ARHGAP10: variants seen among roughly 807,000 people sequenced by gnomAD.
ARHGAP10 encodes Rho GTPase activating protein 10.
A neutral mutation model predicts 108.6 loss-of-function variants in ARHGAP10; 87 were observed. That is an observed-to-expected ratio of 0.80 (90% CI 0.67 to 0.96). The LOEUF is 0.96. ARHGAP10 is among the 40% of genes least tolerant of loss of function. The pLI is 0.00. For missense variants in ARHGAP10, 939 were observed against 954.5 expected (o/e 0.98, Z 0.21); for synonymous variants, 347 against 341.1 (o/e 1.02, Z -0.19).
chr4:147,949,702 C>A (rs1459051679), intron 15 of ARHGAP10, among the ~76,000 whole-genome samples: 1 of 152,178 alleles, frequency 6.6e-6, no homozygotes, highest in Admixed American at 6.5e-5. Context: ...GACGTACTGC[C>A]ACTCTAGGAG....
chr4:147,831,140 T>C (rs2126797064), intron 3 of ARHGAP10, among the ~76,000 whole-genome samples: 1 of 152,314 alleles, frequency 6.6e-6, no homozygotes, highest in Middle Eastern at 3.4e-3. Context: ...GCTACTGGCT[T>C]AGGGTGCTAG....
At chr4:147,845,530 T>C (rs1393295675) in intron 3 of ARHGAP10, among the ~76,000 whole-genome samples, 1 of 152,196 alleles carries the variant, frequency 6.6e-6, no homozygotes, top group East Asian at 1.9e-4. Context: ...CCATGTTGCA[T>C]GGTGGTTATG....
chr4:147,788,319 C>T (rs960069504), intron 1 of ARHGAP10, among the ~76,000 whole-genome samples: 11 of 151,946 alleles, frequency 7.2e-5, no homozygotes, highest in African/African-American at 2.4e-4. Context: ...TGGTGGCATG[C>T]GCCTGTAATC....
chr4:147,755,579 G>T (rs907795948), intron 1 of ARHGAP10, among the ~76,000 whole-genome samples: 2 of 152,094 alleles, frequency 1.3e-5, no homozygotes, highest in Non-Finnish European at 2.9e-5. Context: ...AGAAAGAGAG[G>T]GCTGTTTTGG....
intron 18 of ARHGAP10, among the ~76,000 whole-genome samples, chr4:147,986,199 G>A (rs781454849): frequency 1.3e-5 from 2 of 152,082 alleles, no homozygotes; most frequent in Non-Finnish European, 2.9e-5. Flanking sequence ...TAAGAAAAAC[G>A]GAACTACCTC....
intron 1 of ARHGAP10, among the ~76,000 whole-genome samples, chr4:147,798,725 CTCTCTCTCTCTCTCTCT>C: frequency 8.6e-5 from 1 of 11,684 alleles, no homozygotes; most frequent in East Asian, 3.4e-3. Context: ...GTTTGAGACA[CTCTCTCTCTCTCTCTCT>C]CTCTCTCTCT....
chr4:147,803,349 T>C (rs1368829471), intron 1 of ARHGAP10, among the ~76,000 whole-genome samples: 1 of 152,228 alleles, frequency 6.6e-6, no homozygotes, highest in African/African-American at 2.4e-5. Flanking sequence ...ACTGTACATG[T>C]TTATGGGATA....
intron 13 of ARHGAP10, among the ~76,000 whole-genome samples, chr4:147,919,500 G>T (rs954573956): frequency 3.3e-5 from 5 of 152,178 alleles, no homozygotes; most frequent in African/African-American, 1.2e-4. Context: ...TGAGCTAAAA[G>T]ACTTCCTAAA....
chr4:147,809,421 A>T (rs1731922576), intron 1 of ARHGAP10, among the ~76,000 whole-genome samples: 1 of 152,086 alleles, frequency 6.6e-6, no homozygotes, highest in Non-Finnish European at 1.5e-5. Flanking sequence ...TAATGGTTCC[A>T]CCAATCTTTG....
intron 1 of ARHGAP10, among the ~76,000 whole-genome samples, chr4:147,777,899 G>A (rs909817701): frequency 6.6e-6 from 1 of 152,098 alleles, no homozygotes; most frequent in Non-Finnish European, 1.5e-5. Context: ...TATAGATGGG[G>A]AGATAAAACT....
intron 16 of ARHGAP10, among the ~76,000 whole-genome samples, chr4:147,963,873 T>C (rs1739097514): frequency 6.6e-6 from 1 of 152,256 alleles, no homozygotes; most frequent in Non-Finnish European, 1.5e-5. Flanking sequence ...TCCGCTGTGC[T>C]GCCTGTACAC....
intron 19 of ARHGAP10, 81 bp from the exon 20 acceptor site, chr4:148,046,811 C>CG (rs2149680156): frequency 1.5e-6 from 2 of 1,349,594 alleles, no homozygotes. Flanking sequence ...ATTGACTAAT[C>CG]AAGTAACACC....
intron 4 of ARHGAP10, among the ~76,000 whole-genome samples, chr4:147,850,414 A>G (rs1267745195): frequency 2.0e-5 from 3 of 152,004 alleles, no homozygotes; most frequent in Non-Finnish European, 2.9e-5. Flanking sequence ...GGTCCACACT[A>G]CCTTTATGAG....
At chr4:147,787,276 A>T (rs748269115) in intron 1 of ARHGAP10, among the ~76,000 whole-genome samples, 28 of 152,164 alleles carry the variant, frequency 1.8e-4, no homozygotes, top group Non-Finnish European at 4.1e-4. Flanking sequence ...TTTGAGATGC[A>T]CTTGGCACAG....
chr4:148,024,096 AAGACTGGG>A (rs1458111713), intron 19 of ARHGAP10, among the ~76,000 whole-genome samples: 1 of 152,234 alleles, frequency 6.6e-6, no homozygotes, highest in Non-Finnish European at 1.5e-5. Flanking sequence ...CATACAAAAC[AAGACTGGG>A]AGCTGTGCAC....
rs550002569 is a variant in ARHGAP10, at chr4:147,903,030, C to T, written c.1035-3608C>T. Among the ~76,000 whole-genome samples the T allele has an allele frequency of 4.5e-4, 68 of 152,230 alleles. 1 individual carries two copies. The highest frequency in any genetic ancestry group is 1.5e-3 in the African/African-American group (62 of 41,544). ...GAAGTCTACCCCTATGATCAAGTCA[C>T]CTCCCACCAGGCCCCTTCTCCAACT... On this transcript the variant is annotated intron_variant, in intron 10 of 22. Coordinates refer to ENST00000336498, the MANE Select transcript of ARHGAP10 (RefSeq NM_024605.4).
intron 19 of ARHGAP10, among the ~76,000 whole-genome samples, chr4:148,025,320 A>T (rs1243222401): frequency 1.3e-5 from 2 of 150,734 alleles, no homozygotes; most frequent in Non-Finnish European, 3.0e-5. Flanking sequence ...TTTGTATTTC[A>T]TGAAGTATTT....
At chr4:147,758,942 G>A (rs1335628567) in intron 1 of ARHGAP10, among the ~76,000 whole-genome samples, 2 of 145,622 alleles carry the variant, frequency 1.4e-5, no homozygotes, top group Non-Finnish European at 3.0e-5. Context: ...TCGTGCCACT[G>A]CACTCCGGTC....
chr4:147,759,432 G>A lies in ARHGAP10; in HGVS notation c.154+26977G>A, dbSNP rs559300927. 1.4e-3 allele frequency among the ~76,000 whole-genome samples: 211 copies of A among 152,264 alleles called. 7 individuals carry two copies. The South Asian group carries it at 0.041, about 30-fold the overall frequency. ...ATTAAAAAATTAAAAAACAGGTGAA[G>A]GTGTAATGGCATGTGCCTGTAGTAC... On this transcript the variant is annotated intron_variant, in intron 1 of 22. Transcript: ENST00000336498.
Sources: allele counts gnomAD v4.1 joint callset (sites outside exome capture counted in the v4.1 genomes callset), GRCh38; gene constraint gnomAD v4.1.1; transcripts MANE v1.5; gene names NCBI Gene and HGNC (gene_info 2026-07-23, HGNC 2026-07-21).